Variants in RSPO3 observed in about 807,000 individuals in gnomAD.
The protein encoded by RSPO3 is R-spondin-3.
RSPO3 carries 17 observed loss-of-function variants against 36.5 expected under a neutral mutation model. That is an observed-to-expected ratio of 0.47 (90% CI 0.32 to 0.70). RSPO3 has a LOEUF of 0.70. RSPO3 is among the 30% of genes least tolerant of loss of function. The pLI is 0.04. For missense variants in RSPO3, 294 were observed against 322.5 expected, an observed-to-expected ratio of 0.91 and a Z score of 0.68; for synonymous variants, 108 against 107.0, an observed-to-expected ratio of 1.01 and a Z score of -0.06.
In RSPO3 at chr6:127,197,463, T is replaced by G; in HGVS notation, c.*1456T>G. 6.4e-7 allele frequency: 1 copy of G among 1,550,616 alleles called. No homozygotes were observed. The highest frequency in any genetic ancestry group is 8.7e-7 in the Non-Finnish European group (1 of 1,146,970). On this transcript the variant is annotated 3_prime_UTR_variant, in exon 5 of 5. Transcript: ENST00000356698. ...ACCCTAGCTGAAGGCCTCACCAGTG[T>G]TTCACAGAGGACACAGCCCACCCCT...
chr6:127,136,895 G>T (rs1774169481), intron 1 of RSPO3, among the ~76,000 whole-genome samples: 1 of 152,104 alleles, frequency 6.6e-6, no homozygotes, highest in African/African-American at 2.4e-5. Context: ...AATGTGAACT[G>T]GCAGATCTTT....
At chr6:127,121,976 T>C (rs1316940340) in intron 1 of RSPO3, among the ~76,000 whole-genome samples, 2 of 118,712 alleles carry the variant, frequency 1.7e-5, no homozygotes, top group Non-Finnish European at 3.6e-5. Context: ...AGGTAGAAAA[T>C]TAGGTGTTAA....
At chr6:127,181,908 C>A (rs138634670) in intron 4 of RSPO3, among the ~76,000 whole-genome samples, 13 of 151,718 alleles carry the variant, frequency 8.6e-5, no homozygotes, top group Non-Finnish European at 1.3e-4. Context: ...CTGGGTAATT[C>A]ATTCAAAAAA....
intron 4 of RSPO3, among the ~76,000 whole-genome samples, chr6:127,190,870 T>C (rs542133309): frequency 1.3e-5 from 2 of 152,338 alleles, no homozygotes; most frequent in African/African-American, 4.8e-5. Context: ...TATTCATAAT[T>C]TAAGTGGTTC....
At chr6:127,193,837 A>C (rs1562256516) in intron 4 of RSPO3, among the ~76,000 whole-genome samples, 1 of 152,216 alleles carries the variant, frequency 6.6e-6, no homozygotes, top group South Asian at 2.1e-4. Flanking sequence ...TCAACCCAGC[A>C]AAATTCTTTT....
intron 4 of RSPO3, among the ~76,000 whole-genome samples, chr6:127,164,106 C>T (rs1209105721): frequency 6.6e-6 from 1 of 152,018 alleles, no homozygotes; most frequent in Non-Finnish European, 1.5e-5. Flanking sequence ...ATAGTGCTCT[C>T]GCTCTCTCTT....
At chr6:127,128,687 T>C (rs1358102949) in intron 1 of RSPO3, among the ~76,000 whole-genome samples, 3 of 152,144 alleles carry the variant, frequency 2.0e-5, no homozygotes, top group African/African-American at 7.2e-5. Flanking sequence ...CAATACTCTA[T>C]TGATCTGTAT....
At position 127,119,079 on chromosome 6, in the gene RSPO3, G is replaced by T; in HGVS notation, c.-114G>T. ...TATCGGATGTGAGAGGAGAAGTCCC[G>T]CTGCTCGGGCACTGTCTATATACGC... is the stretch of plus-strand genomic sequence containing the variant. On this transcript the variant is annotated 5_prime_UTR_variant, in exon 1 of 5. Transcript: ENST00000356698. The T allele has an allele frequency of 1.3e-6, 1 of 745,774 alleles. No homozygotes were observed. Among genetic ancestry groups the T allele is most frequent in the Non-Finnish European group, 2.1e-6 (1 of 465,534 alleles). 46.2% of individuals were successfully genotyped at this position (745,774 alleles called of 1,614,324 possible). A position where few individuals can be genotyped will look rare whatever the true frequency, so the allele number is the denominator to read the frequency against.
intron 4 of RSPO3, among the ~76,000 whole-genome samples, chr6:127,170,863 C>T (rs780249755): frequency 1.3e-5 from 2 of 151,446 alleles, no homozygotes; most frequent in Non-Finnish European, 3.0e-5. Context: ...TGATAGTTGC[C>T]AGGAGGTAAG....
intron 4 of RSPO3, among the ~76,000 whole-genome samples, chr6:127,179,058 T>C (rs1434428732): frequency 6.6e-6 from 1 of 151,904 alleles, no homozygotes; most frequent in Non-Finnish European, 1.5e-5. Context: ...AAAGTTGATC[T>C]TGCAGATGAT....
At chr6:127,122,475 T>C (rs1185863719) in intron 1 of RSPO3, among the ~76,000 whole-genome samples, 1 of 152,076 alleles carries the variant, frequency 6.6e-6, no homozygotes, top group East Asian at 1.9e-4. Flanking sequence ...GGCCCTGAAA[T>C]AGCCACTGAA....
chr6:127,160,336 G>T (rs1166843014), intron 4 of RSPO3, among the ~76,000 whole-genome samples: 1 of 152,134 alleles, frequency 6.6e-6, no homozygotes, highest in African/African-American at 2.4e-5. Context: ...GTCCTTGAAA[G>T]AATGTAGGCA....
intron 1 of RSPO3, among the ~76,000 whole-genome samples, chr6:127,137,877 A>G (rs1774192581): frequency 6.6e-6 from 1 of 152,166 alleles, no homozygotes; most frequent in Non-Finnish European, 1.5e-5. Context: ...ATATTAAAGT[A>G]TTATCTTATT....
intron 4 of RSPO3, among the ~76,000 whole-genome samples, chr6:127,180,179 A>G (rs979436662): frequency 1.3e-5 from 2 of 151,870 alleles, no homozygotes; most frequent in African/African-American, 4.8e-5. Context: ...GCTAAAGAGA[A>G]GGAGAGGAAC....
chr6:127,137,580 A>G lies in RSPO3; in HGVS notation c.98-11068A>G, dbSNP rs534816372. 1.4e-4 allele frequency among the ~76,000 whole-genome samples: 22 copies of G among 152,282 alleles called. No individual in the cohort carries two copies. The South Asian group carries it at 4.6e-3, about 32-fold the overall frequency. On this transcript the variant is annotated intron_variant, in intron 1 of 4. Coordinates refer to ENST00000356698, the MANE Select transcript of RSPO3 (RefSeq NM_032784.5). ...TGACTATATGGATCTCAATATTCTC[A>G]TCTGCAAATTTAAGGGAGAAGGAAG...
chr6:127,138,893 T>G (rs189693034), intron 1 of RSPO3, among the ~76,000 whole-genome samples: 159 of 152,228 alleles, frequency 1.0e-3, no homozygotes, highest in African/African-American at 3.7e-3. Flanking sequence ...CAACTAGGGT[T>G]CAAAACCAGA....
intron 4 of RSPO3, among the ~76,000 whole-genome samples, chr6:127,170,266 C>G (rs1017462672): frequency 2.6e-5 from 4 of 151,742 alleles, no homozygotes; most frequent in South Asian, 2.1e-4. Context: ...ACAGAACCCT[C>G]TGCTCTGTTG....
rs372624985 is a variant in RSPO3 at position 127,119,183 on chromosome 6, C to G, written c.-10C>G. ...AGAGGAGAAAGGAAGGGAAGCATTA[C>G]TGGGTTACTATGCACTTGCGACTGA... On this transcript the variant is annotated 5_prime_UTR_variant, in exon 1 of 5. Coordinates refer to ENST00000356698, the MANE Select transcript of RSPO3 (RefSeq NM_032784.5). 321 of 1,582,326 alleles carry G rather than the reference C, an allele frequency of 2.0e-4. No individual in the cohort carries two copies. The highest frequency in any genetic ancestry group is 2.7e-4 in the Non-Finnish European group (311 of 1,151,994).
chr6:127,156,243 G>A (rs1335490528), intron 4 of RSPO3, among the ~76,000 whole-genome samples: 1 of 151,444 alleles, frequency 6.6e-6, no homozygotes, highest in Non-Finnish European at 1.5e-5. Flanking sequence ...TCATATTCTG[G>A]TCTTTATAGA....
Sources: gnomAD v4.1 joint callset for allele counts (sites outside exome capture counted in the v4.1 genomes callset) on GRCh38, gnomAD v4.1.1 for gene constraint, MANE v1.5 for transcripts, NCBI Gene and HGNC (gene_info 2026-07-23, HGNC 2026-07-21) for gene names.